Variants in PROM1 observed in about 807,000 individuals in gnomAD.
The protein encoded by PROM1 is prominin 1.
Under a neutral mutation model 116.9 loss-of-function variants are expected in PROM1, and 105 were observed. The ratio of observed to expected loss-of-function variants is 0.90; its 90% CI spans 0.77 to 1.06. The LOEUF is 1.06. Ranked by LOEUF, PROM1 falls within the 50% of genes least tolerant of loss-of-function variation. The probability of loss-of-function intolerance (pLI) is 0.00; values close to 1 mark genes in which losing one functional copy is unlikely to be tolerated. For missense variants in PROM1, 1,122 were observed against 1,045.2 expected (o/e 1.07, Z -1.01); for synonymous variants, 393 against 387.0 (o/e 1.02, Z -0.18).
At chr4:15,999,499 T>C (rs1464214487) in intron 14 of PROM1, among the ~76,000 whole-genome samples, 2 of 152,060 alleles carry the variant, frequency 1.3e-5, no homozygotes, top group Non-Finnish European at 2.9e-5. Flanking sequence ...ACACACTCTC[T>C]GCCTCTGCAT....
chr4:15,978,030 C>T (rs1716676372), intron 26 of PROM1, among the ~76,000 whole-genome samples: 1 of 152,210 alleles, frequency 6.6e-6, no homozygotes, highest in African/African-American at 2.4e-5. Flanking sequence ...ATTAGTCTCT[C>T]ATTAACGCCC....
chr4:16,077,622 C>G (rs1286054597), intron 1 of PROM1, among the ~76,000 whole-genome samples: 1 of 151,970 alleles, frequency 6.6e-6, no homozygotes, highest in Non-Finnish European at 1.5e-5. Context: ...GAGGGGCAAC[C>G]CACCCCTTCA....
rs567524425 is a variant in PROM1, at chr4:16,082,381, A to G, written c.-213+1597T>C. The G allele has an allele frequency of 3.3e-5, 5 of 152,282 alleles. No homozygotes were observed. In the East Asian group the frequency reaches 7.7e-4, roughly 24 times the overall value. 9.4% of individuals were successfully genotyped at this position (152,282 alleles called of 1,614,324 possible). A position where few individuals can be genotyped will look rare whatever the true frequency, so the allele number is the denominator to read the frequency against. ...GGGCACTCAAGAACTACGATCGTGCACTTGCTTTCTTAACAAAGAACAGCT... is the reference window on the plus strand; with the variant it reads ...GGGCACTCAAGAACTACGATCGTGCGCTTGCTTTCTTAACAAAGAACAGCT... On this transcript the variant is annotated intron_variant, in intron 1 of 27. Transcript: ENST00000447510.
At chr4:16,016,480 A>C (rs1207130757) in intron 9 of PROM1, among the ~76,000 whole-genome samples, 1 of 152,204 alleles carries the variant, frequency 6.6e-6, no homozygotes. Context: ...AAAAGAGGCA[A>C]AGAAATGTAA....
At chr4:16,054,243 A>G (rs1738485522) in intron 2 of PROM1, among the ~76,000 whole-genome samples, 2 of 152,212 alleles carry the variant, frequency 1.3e-5, no homozygotes, top group South Asian at 4.2e-4. Context: ...ACTCCATTCC[A>G]TTCTATACAG....
At chr4:16,074,866 A>G (rs1460018341) in intron 2 of PROM1, among the ~76,000 whole-genome samples, 1 of 152,252 alleles carries the variant, frequency 6.6e-6, no homozygotes, top group East Asian at 1.9e-4. Context: ...AAGGAAAATG[A>G]TAAGAAAGAT....
intron 3 of PROM1, among the ~76,000 whole-genome samples, chr4:16,036,086 T>G (rs1457376850): frequency 6.6e-6 from 1 of 152,198 alleles, no homozygotes; most frequent in African/African-American, 2.4e-5. Flanking sequence ...ACTAACCATG[T>G]GATCTTCATA....
chr4:16,067,256 G>T (rs1560608700), intron 2 of PROM1, among the ~76,000 whole-genome samples: 1 of 152,182 alleles, frequency 6.6e-6, no homozygotes, highest in East Asian at 1.9e-4. Context: ...AGCCATCAGG[G>T]TGTGTGACCC....
chr4:16,036,024 C>T, intron 3 of PROM1, among the ~76,000 whole-genome samples: 1 of 152,188 alleles, frequency 6.6e-6, no homozygotes, highest in Admixed American at 6.5e-5. Flanking sequence ...AATCCGTATG[C>T]TAATCGGTTA....
chr4:16,017,195 G>A lies in PROM1; in HGVS notation c.1003-955C>T, dbSNP rs189156254. Among the ~76,000 whole-genome samples the A allele has an allele frequency of 5.1e-4, 77 of 152,276 alleles. 1 individual carries two copies. The South Asian group carries it at 0.016, about 31-fold the overall frequency. ...TATTTTATGCATGTATATATTAAAT[G>A]ATATGAACAGACAGATAAACTGATA... On this transcript the variant is annotated intron_variant, in intron 9 of 27. Coordinates refer to ENST00000447510, the MANE Select transcript of PROM1 (RefSeq NM_006017.3).
chr4:16,013,064 C>CT (rs1727328651), intron 11 of PROM1, among the ~76,000 whole-genome samples: 1 of 152,112 alleles, frequency 6.6e-6, no homozygotes, highest in South Asian at 2.1e-4. Flanking sequence ...GCTGGCTGGG[C>CT]TGGATGATGT....
chr4:16,070,725 C>T (rs1354077420), intron 2 of PROM1, among the ~76,000 whole-genome samples: 1 of 152,176 alleles, frequency 6.6e-6, no homozygotes, highest in African/African-American at 2.4e-5. Flanking sequence ...AGTAAACTAG[C>T]ATCACATCCA....
Position 15,985,724 on chromosome 4 carries a change from AC to A in PROM1, c.2280+35del, listed in dbSNP as rs758333105. ...TAGAAAATGGCTATCCTGAAACTTG[AC>A]CCCCCTTAACATTCATAAAAGATAA... On this transcript the variant is annotated intron_variant, in intron 22 of 27. Transcript: ENST00000447510. The A allele has an allele frequency of 3.6e-6, 5 of 1,369,942 alleles. No individual in the cohort carries two copies. In the African/African-American group the frequency reaches 5.7e-5, roughly 16 times the overall value. The allele number at this position is 1,369,942 out of a possible 1,614,324, so 84.9% of individuals were successfully genotyped here. A position where few individuals can be genotyped will look rare whatever the true frequency, so the allele number is the denominator to read the frequency against.
At chr4:16,083,440 C>T (rs1370024129) in intron 1 of PROM1, 2 of 152,228 alleles carry the variant, frequency 1.3e-5, no homozygotes, top group Non-Finnish European at 2.9e-5. Flanking sequence ...GCACCGGCAC[C>T]ACCACGCTCT....
rs558102071 is a variant in PROM1 at position 16,063,693 on chromosome 4, T to A, written c.220+11994A>T. Among the ~76,000 whole-genome samples the A allele has an allele frequency of 7.5e-4, 115 of 152,318 alleles. 2 individuals are homozygous for A. Among genetic ancestry groups the A allele is most frequent in the Admixed American group, 7.5e-3 (114 of 15,300 alleles). ...TCCTGATTCAAACAAAAAAAACTTT[T>A]AAAAATGCAGCTATGAGAAAATCAA... is the stretch of plus-strand genomic sequence containing the variant. On this transcript the variant is annotated intron_variant, in intron 2 of 27. Transcript: ENST00000447510.
intron 2 of PROM1, among the ~76,000 whole-genome samples, chr4:16,056,964 C>T (rs1046025683): frequency 3.9e-5 from 6 of 152,312 alleles, no homozygotes; most frequent in East Asian, 1.9e-4. Flanking sequence ...GATTTCCATG[C>T]GAGCAAATTA....
At chr4:15,984,955 G>A (rs1718956151) in intron 22 of PROM1, among the ~76,000 whole-genome samples, 1 of 152,156 alleles carries the variant, frequency 6.6e-6, no homozygotes, top group Non-Finnish European at 1.5e-5. Context: ...AAAAAGGCTG[G>A]GGACTGCTGC....
intron 5 of PROM1, among the ~76,000 whole-genome samples, chr4:16,030,517 TA>T (rs1470892405): frequency 6.6e-6 from 1 of 152,150 alleles, no homozygotes; most frequent in Admixed American, 6.6e-5. Context: ...AAAATATACT[TA>T]GAAAAAACAT....
intron 2 of PROM1, among the ~76,000 whole-genome samples, chr4:16,044,083 T>A (rs747018984): frequency 1.4e-4 from 21 of 152,238 alleles, no homozygotes; most frequent in Non-Finnish European, 2.8e-4. Flanking sequence ...TGTGTGCGAT[T>A]TATGAGTTTT....
Sources: allele counts gnomAD v4.1 joint callset (sites outside exome capture counted in the v4.1 genomes callset), GRCh38; gene constraint gnomAD v4.1.1; transcripts MANE v1.5; gene names NCBI Gene and HGNC (gene_info 2026-07-23, HGNC 2026-07-21).